SIRT4: variants seen among roughly 807,000 people sequenced by gnomAD.
The protein encoded by SIRT4 is sirtuin 4.
A neutral mutation model predicts 26.1 loss-of-function variants in SIRT4; 23 were observed. The ratio of observed to expected loss-of-function variants is 0.88; its 90% confidence interval spans 0.63 to 1.25. The LOEUF (loss-of-function observed/expected upper bound fraction) is 1.25. Among genes scored for constraint, SIRT4 ranks in the 50% most tolerant of loss-of-function variants. SIRT4 has a pLI of 0.00. For missense variants in SIRT4, 361 were observed against 405.4 expected, an observed-to-expected ratio of 0.89 and a Z score of 0.94; for synonymous variants, 155 against 158.4, an observed-to-expected ratio of 0.98 and a Z score of 0.16.
chr12:120,311,206 T>C (rs1872955539), intron 2 of SIRT4, among the ~76,000 whole-genome samples: 1 of 138,852 alleles, frequency 7.2e-6, no homozygotes, highest in Admixed American at 7.3e-5. Context: ...AAATACAAAA[T>C]TAGCCGGGCG....
At chr12:120,305,172 G>GAA (rs949648196) in intron 2 of SIRT4, among the ~76,000 whole-genome samples, 2 of 132,860 alleles carry the variant, frequency 1.5e-5, no homozygotes, top group South Asian at 4.7e-4. Flanking sequence ...GTCTCAAAAA[G>GAA]AAAAAAAAAA....
intron 2 of SIRT4, among the ~76,000 whole-genome samples, chr12:120,309,826 C>T (rs1282700783): frequency 2.6e-5 from 4 of 151,254 alleles, no homozygotes; most frequent in Non-Finnish European, 5.9e-5. Context: ...AGCAATTCTC[C>T]TGTCTCAACC....
chr12:120,310,795 G>A (rs942949600), intron 2 of SIRT4, among the ~76,000 whole-genome samples: 3 of 151,188 alleles, frequency 2.0e-5, no homozygotes, highest in African/African-American at 7.3e-5. Context: ...GAGTGCAGTG[G>A]TGCTATCTCG....
chr12:120,304,728 T>C (rs1031247139), intron 2 of SIRT4, among the ~76,000 whole-genome samples: 8 of 150,442 alleles, frequency 5.3e-5, no homozygotes, highest in African/African-American at 9.8e-5. Flanking sequence ...GGCAGGAAGA[T>C]TGCTTGAGGC....
At chr12:120,291,805 T>C in the SIRT4 span, 9 of 152,312 alleles carry the variant, frequency 5.9e-5, no homozygotes, top group South Asian at 2.1e-4. Flanking sequence ...CGACTATATT[T>C]CAAGTCGTCA....
intron 2 of SIRT4, among the ~76,000 whole-genome samples, chr12:120,311,735 C>CAAAAAAAAA (rs10612543): frequency 9.1e-5 from 5 of 55,108 alleles, no homozygotes; most frequent in African/African-American, 4.2e-4. Context: ...AACTTGCTCT[C>CAAAAAAAAA]AAAAAAAAAA....
At chr12:120,292,734 A>G in the SIRT4 span, among the ~76,000 whole-genome samples, 1 of 136,850 alleles carries the variant, frequency 7.3e-6, no homozygotes, top group East Asian at 2.2e-4. Flanking sequence ...ATCGCTAAAC[A>G]GGGGTTCGGC....
chr12:120,298,830 C>T (rs1872431562), upstream of SIRT4, among the ~76,000 whole-genome samples: 1 of 151,044 alleles, frequency 6.6e-6, no homozygotes, highest in African/African-American at 2.4e-5. Context: ...TCACTTGAAC[C>T]CGGGAGGCGG....
At position 120,307,585 on chromosome 12, in the gene SIRT4, C is replaced by T. The variant is rs570776889; in HGVS notation, c.497+3527C>T. Reference sequence around the variant, plus strand: ...CACAAAAATAACATAATTGGCCGGGCACGGTGGCTCACGCCTGTAATCCGA... The same window carrying T: ...CACAAAAATAACATAATTGGCCGGGTACGGTGGCTCACGCCTGTAATCCGA... On this transcript the variant is annotated intron_variant, in intron 2 of 3. Transcript: ENST00000202967. Among the ~76,000 whole-genome samples, 26 of 152,324 alleles carry T rather than the reference C, an allele frequency of 1.7e-4. No individual in the cohort carries two copies. The South Asian group carries it at 5.2e-3, about 30-fold the overall frequency.
At chr12:120,294,229 C>T in the SIRT4 span, among the ~76,000 whole-genome samples, 3 of 150,986 alleles carry the variant, frequency 2.0e-5, no homozygotes, top group Admixed American at 1.3e-4. Context: ...CCTGACCTCA[C>T]GTGATCTGCC....
At position 120,312,763 on chromosome 12, in the gene SIRT4, G is replaced by T. The variant is rs755533928; in HGVS notation, c.792+13G>T. 11 of 1,609,466 alleles carry T rather than the reference G, an allele frequency of 6.8e-6. No individual in the cohort carries two copies. Among genetic ancestry groups the T allele is most frequent in the Middle Eastern group, 1.7e-4 (1 of 6,046 alleles). On this transcript the variant is annotated intron_variant, in intron 3 of 3. Transcript: ENST00000202967. Reference sequence around the variant, plus strand: ...ATCATCCTTGCAGGTATCTGACTTGGCAAGAGTGGTAACCACCCCTTGTGC... The same window carrying T: ...ATCATCCTTGCAGGTATCTGACTTGTCAAGAGTGGTAACCACCCCTTGTGC...
At chr12:120,291,808 A>G in the SIRT4 span, 4 of 152,200 alleles carry the variant, frequency 2.6e-5, no homozygotes, top group South Asian at 2.1e-4. Flanking sequence ...CTATATTTCA[A>G]GTCGTCATGG....
chr12:120,304,155 G>C, intron 2 of SIRT4, 97 bp downstream of exon 2: 4 of 1,449,476 alleles, frequency 2.8e-6, no homozygotes, highest in Non-Finnish European at 3.7e-6. Flanking sequence ...TAGACCTTGA[G>C]AAAAGGATTT....
chr12:120,301,214 A>G (rs1372055457), upstream of SIRT4, among the ~76,000 whole-genome samples: 1 of 152,096 alleles, frequency 6.6e-6, no homozygotes, highest in Admixed American at 6.6e-5. Flanking sequence ...GCGTAGTGGC[A>G]TGCGCCCATA....
upstream of SIRT4, among the ~76,000 whole-genome samples, chr12:120,298,908 A>AAAATAAATAAAT (rs34954726): frequency 0.064 from 8,106 of 127,410 alleles, 339 homozygotes; most frequent in Non-Finnish European, 0.077. Context: ...TCCGTCTCAA[A>AAAATAAATAAAT]AAATAAATAA....
chr12:120,306,592 A>G (rs149200956), intron 2 of SIRT4, among the ~76,000 whole-genome samples: 28 of 152,252 alleles, frequency 1.8e-4, no homozygotes, highest in Middle Eastern at 3.4e-3. Context: ...ACTTGAGGTC[A>G]GGAGTTCGAG....
chr12:120,293,429 A>C, the SIRT4 span, among the ~76,000 whole-genome samples: 24 of 152,182 alleles, frequency 1.6e-4, no homozygotes, highest in Non-Finnish European at 2.1e-4. Context: ...GTTTTTGTTG[A>C]TATGAAGCAA....
chr12:120,309,639 C>T (rs1420098440), intron 2 of SIRT4, among the ~76,000 whole-genome samples: 3 of 151,572 alleles, frequency 2.0e-5, no homozygotes, highest in Non-Finnish European at 2.9e-5. Context: ...TCTCAAACTC[C>T]TGACCTCAGG....
Position 120,304,011 on chromosome 12 carries a change from C to T in SIRT4, c.450C>T (p.Thr150=), listed in dbSNP as rs200624221. The change falls in exon 2 of 4, where the codon ACC becomes ACT. Residue 150 remains threonine (T), a synonymous_variant. Coordinates refer to ENST00000202967, the MANE Select transcript of SIRT4 (RefSeq NM_012240.3). The part of the protein sequence containing the change: ...LVTQNVDALH[T]KAGSRRLTEL... ...CCCAAAATGTGGATGCTTTGCACAC[C>T]AAGGCGGGGAGTCGGCGCCTGACAG... 1.2e-6 allele frequency: 2 copies of T among 1,613,064 alleles called. No individual in the cohort carries two copies. Among genetic ancestry groups the T allele is most frequent in the East Asian group, 2.2e-5 (1 of 44,894 alleles).
Sources: allele counts gnomAD v4.1 joint callset (sites outside exome capture counted in the v4.1 genomes callset), GRCh38; gene constraint gnomAD v4.1.1; transcripts MANE v1.5; gene names NCBI Gene and HGNC (gene_info 2026-07-23, HGNC 2026-07-21).